Variants in CALCRL observed in about 807,000 individuals in gnomAD.
CALCRL encodes calcitonin receptor like receptor.
CALCRL carries 27 observed loss-of-function variants against 60.4 expected under a neutral mutation model. The observed-to-expected ratio is 0.45, with a 90% CI of 0.33 to 0.62. The LOEUF (loss-of-function observed/expected upper bound fraction) is 0.62, where lower values mean the gene tolerates loss of function less well. Ranked by LOEUF, CALCRL falls within the 20% of genes least tolerant of loss-of-function variation. CALCRL has a pLI of 0.03. For missense variants in CALCRL, 424 were observed against 540.7 expected (o/e 0.78, Z 2.14); for synonymous variants, 190 against 182.6 (o/e 1.04, Z -0.33).
At chr2:187,349,138 C>A (rs367577361) in intron 14 of CALCRL, among the ~76,000 whole-genome samples, 3 of 151,522 alleles carry the variant, frequency 2.0e-5, no homozygotes, top group African/African-American at 7.3e-5. Context: ...ACTTTTTGCT[C>A]ATCTTATGGA....
chr2:187,441,577 A>T (rs1414925217), intron 1 of CALCRL, among the ~76,000 whole-genome samples: 2 of 151,994 alleles, frequency 1.3e-5, no homozygotes, highest in Non-Finnish European at 2.9e-5. Context: ...TCTATGGACC[A>T]TATTGTTTAA....
At chr2:187,352,381 TAAG>T (rs746561184) in intron 12 of CALCRL, 49 bp from the exon 13 acceptor site, 6 of 1,035,804 alleles carry the variant, frequency 5.8e-6, no homozygotes, top group South Asian at 4.1e-5. Context: ...TATTTAATAT[TAAG>T]AAGCATTATT....
At chr2:187,446,527 AAATATGATCAT>A (rs1691194492) in intron 1 of CALCRL, among the ~76,000 whole-genome samples, 1 of 151,890 alleles carries the variant, frequency 6.6e-6, no homozygotes, top group Non-Finnish European at 1.5e-5. Context: ...TCTCATTATA[AAATATGATCAT>A]AATATAATAC....
chr2:187,403,685 G>A (rs1232247676), intron 1 of CALCRL, among the ~76,000 whole-genome samples: 1 of 151,840 alleles, frequency 6.6e-6, no homozygotes, highest in African/African-American at 2.4e-5. Flanking sequence ...GTAACTAGAG[G>A]TAAAAGGACA....
At chr2:187,431,624 C>A (rs1690409859) in intron 1 of CALCRL, among the ~76,000 whole-genome samples, 1 of 152,012 alleles carries the variant, frequency 6.6e-6, no homozygotes, top group Admixed American at 6.6e-5. Context: ...CTCCAACAGG[C>A]ACAAACATGG....
rs1686268180 is a variant in CALCRL at position 187,346,334 on chromosome 2, G to A, written c.1236C>T (p.Asn412=). 1.9e-6 allele frequency: 3 copies of A among 1,612,494 alleles called. No homozygotes were observed. The highest frequency in any genetic ancestry group is 2.5e-6 in the Non-Finnish European group (3 of 1,179,042). ...AAGACGCACTACGAAGAGCTTCTGA[G>A]TTGGAAAAGCTGTTTCCAAATTGGA... ...YKIQFGNSFS[N]SEALRSASYT... The change falls in exon 15 of 15, where the codon AAC becomes AAT. Residue 412 remains asparagine (N), a synonymous_variant. Coordinates refer to ENST00000392370, the MANE Select transcript of CALCRL (RefSeq NM_005795.6).
At chr2:187,425,339 T>C (rs1690073448) in intron 1 of CALCRL, among the ~76,000 whole-genome samples, 1 of 151,946 alleles carries the variant, frequency 6.6e-6, no homozygotes, top group African/African-American at 2.4e-5. Flanking sequence ...TTATTATACA[T>C]AGAATTATAC....
intron 1 of CALCRL, among the ~76,000 whole-genome samples, chr2:187,400,219 T>C (rs1439908967): frequency 6.6e-6 from 1 of 151,332 alleles, no homozygotes; most frequent in African/African-American, 2.4e-5. Flanking sequence ...TTATTATGTG[T>C]CATTTTTTTA....
intron 8 of CALCRL, among the ~76,000 whole-genome samples, chr2:187,377,652 T>A (rs1687813224): frequency 6.6e-6 from 1 of 152,116 alleles, no homozygotes; most frequent in South Asian, 2.1e-4. Context: ...ATGGGAAAAG[T>A]TATAGTCAAA....
intron 8 of CALCRL, among the ~76,000 whole-genome samples, chr2:187,364,050 AC>A (rs1687172391): frequency 1.3e-5 from 2 of 152,206 alleles, no homozygotes; most frequent in Admixed American, 1.3e-4. Context: ...AAATTTAGCA[AC>A]CAATGAGATT....
chr2:187,346,595 A>G (rs1027068673), intron 14 of CALCRL, among the ~76,000 whole-genome samples, 196 bp from the exon 15 acceptor site: 19 of 151,920 alleles, frequency 1.3e-4, no homozygotes, highest in Non-Finnish European at 2.9e-5. Flanking sequence ...GAAATGTATT[A>G]CAATTACATT....
intron 1 of CALCRL, among the ~76,000 whole-genome samples, chr2:187,402,432 T>G (rs1688930237): frequency 6.6e-6 from 1 of 151,542 alleles, no homozygotes. Flanking sequence ...TGTGTGTGTG[T>G]GTGTATGTGA....
chr2:187,371,255 G>A (rs1687505635), intron 8 of CALCRL, among the ~76,000 whole-genome samples: 1 of 149,936 alleles, frequency 6.7e-6, no homozygotes, highest in African/African-American at 2.5e-5. Context: ...AAAAAAAAAA[G>A]TTAAATAAAT....
intron 1 of CALCRL, among the ~76,000 whole-genome samples, chr2:187,407,929 G>C (rs1351915686): frequency 6.6e-6 from 1 of 152,052 alleles, no homozygotes; most frequent in East Asian, 1.9e-4. Context: ...CTTTGCTAAT[G>C]TTCCCACCTC....
chr2:187,414,937 C>A (rs1343278614), intron 1 of CALCRL, among the ~76,000 whole-genome samples: 1 of 150,364 alleles, frequency 6.7e-6, no homozygotes, highest in Admixed American at 6.6e-5. Flanking sequence ...TTTCCCCCAT[C>A]CATCCAGAAA....
chr2:187,346,808 A>G (rs1686296700), intron 14 of CALCRL, among the ~76,000 whole-genome samples: 1 of 150,638 alleles, frequency 6.6e-6, no homozygotes, highest in Non-Finnish European at 1.5e-5. Flanking sequence ...AAGATACACA[A>G]AAGAAAAGAA....
At chr2:187,433,678 G>T (rs1331382052) in intron 1 of CALCRL, among the ~76,000 whole-genome samples, 2 of 151,960 alleles carry the variant, frequency 1.3e-5, no homozygotes, top group African/African-American at 2.4e-5. Flanking sequence ...ACACAGAAAA[G>T]AAATACAGCA....
In CALCRL at chr2:187,360,745, A is replaced by C; in HGVS notation, c.634T>G (p.Cys212Gly). The C allele has an allele frequency of 6.3e-7, 1 of 1,599,366 alleles. No homozygotes were observed. The highest frequency in any genetic ancestry group is 8.5e-7 in the Non-Finnish European group (1 of 1,175,474). Reference protein sequence around the residue: ...QALVATNPVSCKVSQFIHLYL... With the variant: ...QALVATNPVSGKVSQFIHLYL... Reference sequence around the variant, plus strand: ...AGATGAATGAACTGGGACACTTTGCAACTAACCTGTGAGGAAAAAAAAAAC... The same window carrying C: ...AGATGAATGAACTGGGACACTTTGCCACTAACCTGTGAGGAAAAAAAAAAC... The change falls in exon 10 of 15, where the codon TGC (cysteine) becomes GGC (glycine). Residue 212 changes from cysteine to glycine, a missense_variant. Coordinates refer to ENST00000392370, the MANE Select transcript of CALCRL (RefSeq NM_005795.6).
At chr2:187,346,486 C>A in intron 14 of CALCRL, 87 bp from the exon 15 acceptor site, 2 of 852,620 alleles carry the variant, frequency 2.3e-6, no homozygotes, top group East Asian at 2.7e-5. Flanking sequence ...TTAAATAGGT[C>A]TTGGAGAAGA....
Sources: allele counts gnomAD v4.1 joint callset (sites outside exome capture counted in the v4.1 genomes callset), GRCh38; gene constraint gnomAD v4.1.1; transcripts MANE v1.5; gene names NCBI Gene and HGNC (gene_info 2026-07-23, HGNC 2026-07-21).